Variants in NRG3 observed in about 807,000 individuals in gnomAD.
NRG3 encodes the protein pro-neuregulin-3, membrane-bound isoform.
NRG3 carries 31 observed loss-of-function variants against 66.9 expected under a neutral mutation model. The ratio of observed to expected loss-of-function variants is 0.46; its 90% CI spans 0.35 to 0.63. The LOEUF (loss-of-function observed/expected upper bound fraction) is 0.63. Ranked by LOEUF, NRG3 falls within the 20% of genes least tolerant of loss-of-function variation. The pLI is 0.00. For missense variants in NRG3, 910 were observed against 878.9 expected, an observed-to-expected ratio of 1.04 and a Z score of -0.45; for synonymous variants, 393 against 359.4, an observed-to-expected ratio of 1.09 and a Z score of -1.06.
intron 2 of NRG3, among the ~76,000 whole-genome samples, chr10:82,722,320 C>T (rs1243466650): frequency 6.6e-6 from 1 of 152,060 alleles, no homozygotes. Context: ...CATCTATCTG[C>T]TTTAATTTGA....
chr10:82,009,707 T>TC (rs55756334), intron 1 of NRG3, among the ~76,000 whole-genome samples: 86,878 of 151,938 alleles, frequency 0.57, 24,754 homozygotes, highest in South Asian at 0.67. Flanking sequence ...AGAAGAGGAC[T>TC]CCATCTTTCT....
intron 1 of NRG3, among the ~76,000 whole-genome samples, chr10:82,170,686 A>AGG (rs2072532187): frequency 7.2e-6 from 1 of 139,348 alleles, no homozygotes; most frequent in Non-Finnish European, 1.6e-5. Context: ...ATATATATAT[A>AGG]TATATATATA....
At chr10:82,578,668 AGCTAC>A (rs1234327046) in intron 2 of NRG3, among the ~76,000 whole-genome samples, 20 of 151,854 alleles carry the variant, frequency 1.3e-4, no homozygotes, top group Non-Finnish European at 2.9e-5. Context: ...ACTCCTAAAT[AGCTAC>A]GCTTATTTAA....
At chr10:81,955,293 A>G (rs936944437) in intron 1 of NRG3, among the ~76,000 whole-genome samples, 5 of 151,888 alleles carry the variant, frequency 3.3e-5, no homozygotes, top group East Asian at 1.9e-4. Flanking sequence ...GAAGACCCCT[A>G]TTTCCCAGTT....
At position 82,152,091 on chromosome 10, in the gene NRG3, G is replaced by C. The variant is rs189873207; in HGVS notation, c.824-206648G>C. Among the ~76,000 whole-genome samples the C allele has an allele frequency of 7.2e-5, 11 of 152,250 alleles. No individual in the cohort carries two copies. The East Asian group carries it at 2.1e-3, about 29-fold the overall frequency. On this transcript the variant is annotated intron_variant, in intron 1 of 8. Coordinates refer to ENST00000372141, the MANE Select transcript of NRG3 (RefSeq NM_001010848.4). Reference sequence around the variant, plus strand: ...AGAAACTAAATATTTTAGGCTTTGTGAGTCAAAGTCTCTGTCTTAACTCCT... The same window carrying C: ...AGAAACTAAATATTTTAGGCTTTGTCAGTCAAAGTCTCTGTCTTAACTCCT...
chr10:82,171,080 ATTTTCTTTTC>A (rs1292508157), intron 1 of NRG3, among the ~76,000 whole-genome samples: 1 of 151,378 alleles, frequency 6.6e-6, no homozygotes, highest in East Asian at 1.9e-4. Context: ...ATTTTCTTTC[ATTTTCTTTTC>A]CTCCCATTTT....
At chr10:82,838,741 T>C (rs529234194) in intron 3 of NRG3, among the ~76,000 whole-genome samples, 10 of 152,108 alleles carry the variant, frequency 6.6e-5, no homozygotes, top group Non-Finnish European at 1.5e-4. Flanking sequence ...CACACACACA[T>C]ATATATTTCT....
At chr10:81,890,380 T>A (rs1211361983) in intron 1 of NRG3, among the ~76,000 whole-genome samples, 1 of 152,222 alleles carries the variant, frequency 6.6e-6, no homozygotes, top group African/African-American at 2.4e-5. Context: ...GTAAGAATTT[T>A]GTGATGCTAG....
intron 2 of NRG3, among the ~76,000 whole-genome samples, chr10:82,558,883 T>G (rs1421468050): frequency 3.3e-5 from 5 of 152,138 alleles, no homozygotes; most frequent in African/African-American, 1.2e-4. Flanking sequence ...TTTTGTTATT[T>G]TCTACAAAGG....
intron 2 of NRG3, among the ~76,000 whole-genome samples, chr10:82,388,856 A>G (rs1042419137): frequency 3.3e-5 from 5 of 152,168 alleles, no homozygotes; most frequent in African/African-American, 9.6e-5. Context: ...CATCGGCATC[A>G]AAGTCATTTG....
At chr10:82,359,418 A>G (rs1405245533) in intron 2 of NRG3, among the ~76,000 whole-genome samples, 2 of 152,354 alleles carry the variant, frequency 1.3e-5, no homozygotes, top group East Asian at 3.9e-4. Context: ...AAGAAGTTGT[A>G]AATGAAATAG....
chr10:82,128,178 A>G (rs1409996089), intron 1 of NRG3, among the ~76,000 whole-genome samples: 3 of 151,980 alleles, frequency 2.0e-5, no homozygotes. Context: ...TATCTTACCT[A>G]GTTCCGGACA....
At chr10:82,712,381 G>A (rs1241325192) in intron 2 of NRG3, among the ~76,000 whole-genome samples, 1 of 152,124 alleles carries the variant, frequency 6.6e-6, no homozygotes, top group Non-Finnish European at 1.5e-5. Context: ...CGACGTGAAA[G>A]GGAAAGCTTG....
At chr10:82,289,519 TA>T (rs1233181370) in intron 1 of NRG3, among the ~76,000 whole-genome samples, 1 of 152,238 alleles carries the variant, frequency 6.6e-6, no homozygotes, top group South Asian at 2.1e-4. Context: ...TTTATCCTTA[TA>T]ATAACTTGTC....
chr10:81,987,740 C>G (rs2060580390), intron 1 of NRG3, among the ~76,000 whole-genome samples: 1 of 152,150 alleles, frequency 6.6e-6, no homozygotes, highest in Non-Finnish European at 1.5e-5. Context: ...TAATAATAAG[C>G]TCTTTGAAGT....
intron 1 of NRG3, among the ~76,000 whole-genome samples, chr10:82,123,490 T>C (rs1328625959): frequency 6.6e-6 from 1 of 152,158 alleles, no homozygotes; most frequent in Non-Finnish European, 1.5e-5. Context: ...GCTTACTGTT[T>C]GGCAAACTAG....
At chr10:82,781,543 T>A (rs543243286) in intron 3 of NRG3, among the ~76,000 whole-genome samples, 2 of 152,274 alleles carry the variant, frequency 1.3e-5, no homozygotes, top group South Asian at 4.1e-4. Flanking sequence ...ATCACTAGTC[T>A]GCTTTTTCTG....
chr10:82,733,343 T>G (rs944122242), intron 2 of NRG3, among the ~76,000 whole-genome samples: 2 of 152,244 alleles, frequency 1.3e-5, no homozygotes, highest in Non-Finnish European at 2.9e-5. Flanking sequence ...TAATATCAGC[T>G]ACCTGCACTT....
chr10:82,219,238 G>A (rs1013743993), intron 1 of NRG3, among the ~76,000 whole-genome samples: 2 of 144,474 alleles, frequency 1.4e-5, no homozygotes, highest in African/African-American at 2.6e-5. Context: ...GGTGTGGGCC[G>A]CCCTGGCATT....
Sources: allele counts gnomAD v4.1 joint callset (sites outside exome capture counted in the v4.1 genomes callset), GRCh38; gene constraint gnomAD v4.1.1; transcripts MANE v1.5; gene names NCBI Gene and HGNC (gene_info 2026-07-23, HGNC 2026-07-21).